FGF14: variants seen among roughly 807,000 people sequenced by gnomAD.
The protein encoded by FGF14 is fibroblast growth factor 14.
A neutral mutation model predicts 25.5 loss-of-function variants in FGF14; 5 were observed. The ratio of observed to expected loss-of-function variants is 0.20; its 90% CI spans 0.10 to 0.41. The LOEUF (loss-of-function observed/expected upper bound fraction) is 0.41, where lower values mean the gene tolerates loss of function less well. FGF14 is among the 10% of genes least tolerant of loss of function. The pLI is 1.00. For missense variants in FGF14, 222 were observed against 320.1 expected (o/e 0.69, Z 2.34); for synonymous variants, 138 against 118.3 (o/e 1.17, Z -1.08).
At chr13:101,900,630 T>TA (rs1304096656) in intron 1 of FGF14, among the ~76,000 whole-genome samples, 1 of 152,156 alleles carries the variant, frequency 6.6e-6, no homozygotes, top group African/African-American at 2.4e-5. Flanking sequence ...TAGGCAAGAC[T>TA]AATATATTGT....
At chr13:102,105,665 T>C (rs1035419542) in intron 1 of FGF14, among the ~76,000 whole-genome samples, 3 of 152,210 alleles carry the variant, frequency 2.0e-5, no homozygotes, top group African/African-American at 7.2e-5. Context: ...TATTTTGTTA[T>C]TCCAATAGGG....
At chr13:101,913,561 G>C (rs2033168841) in intron 1 of FGF14, among the ~76,000 whole-genome samples, 1 of 152,114 alleles carries the variant, frequency 6.6e-6, no homozygotes, top group Non-Finnish European at 1.5e-5. Flanking sequence ...AAAATGTGGA[G>C]CTATTCTTTA....
intron 1 of FGF14, among the ~76,000 whole-genome samples, chr13:101,932,756 TAAAAAAA>T (rs869271842): frequency 1.0e-5 from 1 of 98,582 alleles, no homozygotes; most frequent in East Asian, 2.8e-4. Context: ...AAAATTACAG[TAAAAAAA>T]AAAAAAAAAA....
intron 1 of FGF14, among the ~76,000 whole-genome samples, chr13:101,973,122 T>C: frequency 7.7e-6 from 1 of 130,014 alleles, no homozygotes; most frequent in African/African-American, 3.4e-5. Flanking sequence ...TGTGCTTCTT[T>C]TTTTTTTTTT....
intron 1 of FGF14, among the ~76,000 whole-genome samples, chr13:102,280,785 T>C (rs1476640260): frequency 1.3e-5 from 2 of 152,164 alleles, no homozygotes; most frequent in East Asian, 1.9e-4. Context: ...TAGAGTTTAA[T>C]AGGAATATGA....
At chr13:101,884,078 A>AAAAAAAAAAAAAAC (rs2045866575) in intron 1 of FGF14, among the ~76,000 whole-genome samples, 1 of 149,204 alleles carries the variant, frequency 6.7e-6, no homozygotes, top group African/African-American at 2.5e-5. Context: ...AAAAAAAAAA[A>AAAAAAAAAAAAAAC]AAAAAAAAAG....
At chr13:101,924,259 T>C (rs2034209525) in intron 1 of FGF14, among the ~76,000 whole-genome samples, 1 of 152,150 alleles carries the variant, frequency 6.6e-6, no homozygotes, top group Non-Finnish European at 1.5e-5. Context: ...AGTTTTTCAA[T>C]AATTTCTAGA....
At chr13:101,855,400 T>G (rs1218841029) in intron 3 of FGF14, among the ~76,000 whole-genome samples, 1 of 152,012 alleles carries the variant, frequency 6.6e-6, no homozygotes, top group African/African-American at 2.4e-5. Context: ...AAAATGTAAT[T>G]AGACATTGAA....
At chr13:102,226,553 T>G (rs1302082352) in intron 1 of FGF14, among the ~76,000 whole-genome samples, 2 of 152,228 alleles carry the variant, frequency 1.3e-5, no homozygotes, top group Non-Finnish European at 2.9e-5. Flanking sequence ...CTTCAATACT[T>G]CAGCAACAAT....
chr13:101,974,187 T>C lies in FGF14; in HGVS notation c.209-98891A>G, dbSNP rs78322365. Among the ~76,000 whole-genome samples, 47 of 152,324 alleles carry C rather than the reference T, an allele frequency of 3.1e-4. No individual in the cohort carries two copies. The East Asian group carries it at 5.6e-3, about 18-fold the overall frequency. On this transcript the variant is annotated intron_variant, in intron 1 of 4. Coordinates refer to the FGF14 transcript ENST00000376131. ...AAGTCAGTCCTTGTAAAGTTTGAAT[T>C]GTTACCATTTGAAGATCCTCTCTAC...
chr13:102,329,638 T>G (rs1485469258), intron 1 of FGF14, among the ~76,000 whole-genome samples: 1 of 152,180 alleles, frequency 6.6e-6, no homozygotes, highest in Non-Finnish European at 1.5e-5. Flanking sequence ...CTTGCATCTT[T>G]CCTCCAACCT....
chr13:101,854,725 A>T (rs1446018243), intron 3 of FGF14, among the ~76,000 whole-genome samples: 1 of 152,052 alleles, frequency 6.6e-6, no homozygotes, highest in African/African-American at 2.4e-5. Context: ...CAATCTTTTG[A>T]GCTGGGCATT....
chr13:102,206,128 AACAC>A (rs59340568), intron 1 of FGF14, among the ~76,000 whole-genome samples: 15 of 147,042 alleles, frequency 1.0e-4, no homozygotes, highest in Non-Finnish European at 1.8e-4. Context: ...TCAACCTTCA[AACAC>A]ACACACACAC....
intron 1 of FGF14, among the ~76,000 whole-genome samples, chr13:101,926,394 GC>G (rs1263982095): frequency 6.6e-6 from 1 of 152,060 alleles, no homozygotes; most frequent in Non-Finnish European, 1.5e-5. Context: ...TGCTTCCTAG[GC>G]TGCTTTACTC....
At chr13:101,923,426 C>T (rs1438460468) in intron 1 of FGF14, among the ~76,000 whole-genome samples, 1 of 152,004 alleles carries the variant, frequency 6.6e-6, no homozygotes, top group Non-Finnish European at 1.5e-5. Context: ...TGAAATACTT[C>T]CGGAAAAGTA....
chr13:101,963,511 A>C (rs375368713), intron 1 of FGF14, among the ~76,000 whole-genome samples: 1 of 151,912 alleles, frequency 6.6e-6, no homozygotes, highest in Non-Finnish European at 1.5e-5. Context: ...ACTGTGCCCC[A>C]CTCTGCCGGA....
intron 1 of FGF14, among the ~76,000 whole-genome samples, chr13:102,239,648 G>T (rs932412412): frequency 6.6e-6 from 1 of 152,080 alleles, no homozygotes; most frequent in African/African-American, 2.4e-5. Flanking sequence ...CTAACCAAAA[G>T]TGGTCCCTTT....
At chr13:102,263,463 C>A (rs891981197) in intron 1 of FGF14, among the ~76,000 whole-genome samples, 2 of 152,010 alleles carry the variant, frequency 1.3e-5, no homozygotes, top group Non-Finnish European at 2.9e-5. Context: ...ATGAAAGGCA[C>A]CCCCAATAGA....
Position 101,776,891 on chromosome 13 carries a change from T to C in FGF14, c.409-50081A>G, listed in dbSNP as rs949133763. ...GTTTTTGGTGAGGGTTTCCATTTCA[T>C]AGTCAATGCCTTCTTTTTGTGTCTT... On this transcript the variant is annotated intron_variant, in intron 3 of 4. Transcript: ENST00000376143. 2.0e-5 allele frequency among the ~76,000 whole-genome samples: 3 copies of C among 152,184 alleles called. No homozygotes were observed. In the East Asian group the frequency reaches 5.8e-4, roughly 29 times the overall value.
Sources: gnomAD v4.1 joint callset for allele counts (sites outside exome capture counted in the v4.1 genomes callset) on GRCh38, gnomAD v4.1.1 for gene constraint, MANE v1.5 for transcripts, NCBI Gene and HGNC (gene_info 2026-07-23, HGNC 2026-07-21) for gene names.